SOWAHB: variants seen among roughly 807,000 people sequenced by gnomAD.
SOWAHB encodes the protein ankyrin repeat domain-containing protein SOWAHB.
A neutral mutation model predicts 18.3 loss-of-function variants in SOWAHB; 17 were observed. The observed-to-expected ratio is 0.93, with a 90% confidence interval of 0.64 to 1.40. The LOEUF is 1.40. SOWAHB is among the 40% of genes most tolerant of loss of function. SOWAHB has a pLI of 0.00. For synonymous variants in SOWAHB, 496 were observed against 448.1 expected (o/e 1.11, Z -1.35); for missense variants, 1,126 against 1,033.7 (o/e 1.09, Z -1.22).
In SOWAHB at chr4:76,895,484, T is replaced by A; in HGVS notation, c.2366A>T (p.Glu789Val). Reference sequence around the variant, plus strand: ...AGACCCACCTCAGTCACTATACTCTTCTCTTTCCCTTGGACTGTGGAATTT... The same window carrying A: ...AGACCCACCTCAGTCACTATACTCTACTCTTTCCCTTGGACTGTGGAATTT... Reference protein sequence around the residue: ...YEKFHSPREREEYSD With the variant: ...YEKFHSPRERVEYSD The change falls in exon 1 of 1, where the codon GAA becomes GTA. Residue 789 changes from glutamate (E) to valine (V), a missense_variant. Coordinates refer to ENST00000334306, the MANE Select transcript of SOWAHB (RefSeq NM_001029870.3). 1 of 1,605,464 alleles carries A rather than the reference T, an allele frequency of 6.2e-7. No individual in the cohort carries two copies. Among genetic ancestry groups the A allele is most frequent in the Non-Finnish European group, 8.5e-7 (1 of 1,175,752 alleles).
Position 76,895,412 on chromosome 4 carries a change from C to A in SOWAHB, c.*56G>T, listed in dbSNP as rs1031959644. The A allele has an allele frequency of 4.0e-6, 6 of 1,482,496 alleles. No individual in the cohort carries two copies. The Admixed American group carries it at 1.3e-4, about 32-fold the overall frequency. 91.8% of individuals were successfully genotyped at this position (1,482,496 alleles called of 1,614,324 possible). A position where few individuals can be genotyped will look rare whatever the true frequency, so the allele number is the denominator to read the frequency against. ...GCAGCTTTTCTATTCCCCCTGAATT[C>A]TCTCACTGAGCAGGATGAGGGAGTG... On this transcript the variant is annotated 3_prime_UTR_variant, in exon 1 of 1. Transcript: ENST00000334306.
In SOWAHB at chr4:76,898,128, T is replaced by C. The variant is rs1719982691; in HGVS notation, c.-279A>G. On this transcript the variant is annotated 5_prime_UTR_variant, in exon 1 of 1. Coordinates refer to ENST00000334306, the MANE Select transcript of SOWAHB (RefSeq NM_001029870.3). ...CGCGACTCTAGCCTCTCGCAACGAG[T>C]CCTCACAGCGAAAGTTCCCGGGATA... The C allele has an allele frequency of 7.1e-6, 3 of 422,356 alleles. No individual in the cohort carries two copies. The Admixed American group carries it at 1.3e-4, about 18-fold the overall frequency. The allele number at this position is 422,356 out of a possible 1,614,324, so 26.2% of individuals were successfully genotyped here. A position where few individuals can be genotyped will look rare whatever the true frequency, so the allele number is the denominator to read the frequency against.
Position 76,897,365 on chromosome 4 carries a change from C to A in SOWAHB, c.485G>T (p.Gly162Val). 6.5e-7 allele frequency: 1 copy of A among 1,530,218 alleles called. No homozygotes were observed. Among genetic ancestry groups the A allele is most frequent in the Admixed American group, 2.0e-5 (1 of 51,124 alleles). The allele number at this position is 1,530,218 out of a possible 1,614,324, so 94.8% of individuals were successfully genotyped here. A position where few individuals can be genotyped will look rare whatever the true frequency, so the allele number is the denominator to read the frequency against. ...CCTCTGTCCGGGACTGCCCTTCGAT[C>A]CGCCGCCCTTCCCGGGCGCCCTACG... ...DSRRAPGKGGGSKGSPGQRPP... is the reference protein window; with the variant it reads ...DSRRAPGKGGVSKGSPGQRPP... The change falls in exon 1 of 1, where the codon GGA (glycine) becomes GTA (valine). Residue 162 changes from glycine to valine, a missense_variant. Coordinates refer to ENST00000334306, the MANE Select transcript of SOWAHB (RefSeq NM_001029870.3). The surrounding 1 kb of genome is among the most constrained non-coding windows in gnomAD (Gnocchi z 6.4).
At position 76,896,550 on chromosome 4, in the gene SOWAHB, T is replaced by TC. The variant is rs746560867; in HGVS notation, c.1299dup (p.Lys434GlufsTer42). On this transcript the variant is annotated frameshift_variant, in exon 1 of 1. Transcript: ENST00000334306. LOFTEE classifies it low-confidence loss of function (END_TRUNC). ...AGGCCCCCAGCTGGATTCCTGAGCT[T>TC]CCCCCTATCTGGGGTTCCCAAGACA... 10 of 1,613,058 alleles carry TC rather than the reference T, an allele frequency of 6.2e-6. No homozygotes were observed. In the Admixed American group the frequency reaches 8.3e-5, roughly 13 times the overall value.
In SOWAHB at chr4:76,895,644, G is replaced by A. The variant is rs760163606; in HGVS notation, c.2206C>T (p.Pro736Ser). 3.7e-6 allele frequency: 6 copies of A among 1,614,120 alleles called. No individual in the cohort carries two copies. In the East Asian group the frequency reaches 1.3e-4, roughly 36 times the overall value. The change falls in exon 1 of 1, where the codon CCC (proline) becomes TCC (serine). Residue 736 changes from proline (P) to serine (S), a missense_variant. Transcript: ENST00000334306. ...GTAGGGGAAGAACTTCCAACTAAGG[G>A]ATAGACAGGGAAAATGGGCTTGCCC... is the stretch of plus-strand genomic sequence containing the variant. ...PRGKPIFPVY[P>S]LVGSSSPTRK...
rs553791129 is a variant in SOWAHB, at chr4:76,897,968, C to A, written c.-119G>T. The A allele has an allele frequency of 7.8e-5, 87 of 1,120,384 alleles. No homozygotes were observed. In the African/African-American group the frequency reaches 1.3e-3, roughly 17 times the overall value. 69.4% of individuals were successfully genotyped at this position (1,120,384 alleles called of 1,614,324 possible). ...GCGCCCGGGGCGGCACTAGCCGCCC[C>A]CATCAGCCGCGGAGGCCAGCGCTGC... On this transcript the variant is annotated 5_prime_UTR_variant, in exon 1 of 1. Coordinates refer to ENST00000334306, the MANE Select transcript of SOWAHB (RefSeq NM_001029870.3). The surrounding 1 kb of genome is among the most constrained non-coding windows in gnomAD (Gnocchi z 6.4).
At position 76,896,083 on chromosome 4, in the gene SOWAHB, G is replaced by A. The variant is rs200255980; in HGVS notation, c.1767C>T (p.Ser589=). The A allele has an allele frequency of 2.2e-4, 347 of 1,591,946 alleles. 2 individuals carry two copies. The highest frequency in any genetic ancestry group is 2.0e-5 in the Non-Finnish European group (23 of 1,169,504). ...GCTCCCTGGCATCTAGTGGAACCAG[G>A]GATGATTTGTGCTCAGAAGTTCTGT... ...APHRTSEHKS[S]LVPLDAREHE... Residue 589 remains serine, a synonymous_variant, in exon 1 of 1, where the codon TCC becomes TCT. Transcript: ENST00000334306.
At position 76,896,166 on chromosome 4, in the gene SOWAHB, C is replaced by A; in HGVS notation, c.1684G>T (p.Gly562Cys). 3 of 1,556,340 alleles carry A rather than the reference C, an allele frequency of 1.9e-6. No homozygotes were observed. The highest frequency in any genetic ancestry group is 2.6e-6 in the Non-Finnish European group (3 of 1,151,882). ...GGGACCCACAGGCTGTGTCGCCAAC[C>A]CCGCTCGGCCACAACAGCCTTAACC... ...AEVKAVVAER[G>C]WRHSLWVPSG... The change falls in exon 1 of 1, where the codon GGT becomes TGT. Residue 562 changes from glycine (G) to cysteine (C), a missense_variant. Physicochemically the swap from Gly to Cys is radical, Grantham distance 159. Coordinates refer to ENST00000334306, the MANE Select transcript of SOWAHB (RefSeq NM_001029870.3).
Position 76,897,161 on chromosome 4 carries a change from G to A in SOWAHB, c.689C>T (p.Pro230Leu). 2 of 1,561,464 alleles carry A rather than the reference G, an allele frequency of 1.3e-6. No homozygotes were observed. The highest frequency in any genetic ancestry group is 8.6e-7 in the Non-Finnish European group (1 of 1,161,092). ...GGAAGCCCCGCGGTCATCCTGGGCA[G>A]GCAGAGCCCGTGCCGGCTTCTCCTC... is the stretch of plus-strand genomic sequence containing the variant. ...TAEEKPARAL[P>L]AQDDRGASRE... The change falls in exon 1 of 1, where the codon CCT becomes CTT. Residue 230 changes from proline to leucine, a missense_variant. Pro to Leu is a moderately conservative substitution (Grantham distance 98, BLOSUM62 -3). Coordinates refer to ENST00000334306, the MANE Select transcript of SOWAHB (RefSeq NM_001029870.3). This position sits in a 1 kb window ranked among gnomAD's most constrained non-coding sequence, Gnocchi z 6.4.
Position 76,895,593 on chromosome 4 carries a change from A to T in SOWAHB, c.2257T>A (p.Ser753Thr). The change falls in exon 1 of 1, where the codon TCT becomes ACT. Residue 753 changes from serine (S) to threonine (T), a missense_variant. Transcript: ENST00000334306. ...PTRKAKSKEI[S>T]RSVTRKTSFA... ...GAAGTTTTTCGGGTGACACTTCTAG[A>T]TATTTCCTTGCTCTTGGCCTTTCTG... The T allele has an allele frequency of 1.2e-6, 2 of 1,614,186 alleles. No individual in the cohort carries two copies. The highest frequency in any genetic ancestry group is 1.7e-6 in the Non-Finnish European group (2 of 1,180,040).
In SOWAHB at chr4:76,897,746, C is replaced by G. The variant is rs763038416; in HGVS notation, c.104G>C (p.Arg35Pro). The G allele has an allele frequency of 6.2e-7, 1 of 1,608,748 alleles. No individual in the cohort carries two copies. Among genetic ancestry groups the G allele is most frequent in the Non-Finnish European group, 8.5e-7 (1 of 1,179,886 alleles). The change falls in exon 1 of 1, where the codon CGA becomes CCA. Residue 35 changes from arginine to proline, a missense_variant. Arg to Pro is a moderately radical substitution (Grantham distance 103). Coordinates refer to ENST00000334306, the MANE Select transcript of SOWAHB (RefSeq NM_001029870.3). This position sits in a 1 kb window ranked among gnomAD's most constrained non-coding sequence, Gnocchi z 6.4. ...CTGGCTGGGGGACGCGTCGGGGTCT[C>G]GGAGAAAGCTCTTGAAGTGGCTCAG... ...ALLSHFKSFL[R>P]DPDASPSQHQ... is the part of the protein sequence containing the mutation.
Position 76,895,959 on chromosome 4 carries a change from C to T in SOWAHB, c.1891G>A (p.Gly631Arg), listed in dbSNP as rs137905067. 2.8e-5 allele frequency: 45 copies of T among 1,614,020 alleles called. No individual in the cohort carries two copies. The highest frequency in any genetic ancestry group is 3.6e-5 in the Non-Finnish European group (42 of 1,180,062). Residue 631 changes from glycine (G) to arginine (R), a missense_variant, in exon 1 of 1, where the codon GGG (glycine) becomes AGG (arginine). Gly to Arg is a moderately radical substitution (Grantham distance 125). Transcript: ENST00000334306. The part of the protein sequence containing the change: ...QLALHKDFLT[G>R]YTALHWIAKH... ...GCTATCCAGTGCAACGCAGTGTACCCAGTCAAAAAGTCTTTGTGCAAGGCC... is the reference window on the plus strand; with the variant it reads ...GCTATCCAGTGCAACGCAGTGTACCTAGTCAAAAAGTCTTTGTGCAAGGCC...
Position 76,897,319 on chromosome 4 carries a change from T to G in SOWAHB, c.531A>C (p.Ala177=). The change falls in exon 1 of 1, where the codon GCA becomes GCC. Residue 177 remains alanine (A), a synonymous_variant. Coordinates refer to ENST00000334306, the MANE Select transcript of SOWAHB (RefSeq NM_001029870.3). This position sits in a 1 kb window ranked among gnomAD's most constrained non-coding sequence, Gnocchi z 6.4. The part of the protein sequence containing the change: ...PGQRPPVPAA[A]AAGAQARASC... ...TCGCTCTCGCCTGGGCCCCTGCCGC[T>G]GCAGCTGCGGGCACCGGCGGCCTCT... 1 of 1,539,414 alleles carries G rather than the reference T, an allele frequency of 6.5e-7. No individual in the cohort carries two copies. The highest frequency in any genetic ancestry group is 8.7e-7 in the Non-Finnish European group (1 of 1,149,074).
rs1227566411 is a variant in SOWAHB at position 76,895,205 on chromosome 4, G to A, written c.*263C>T. ...CTGTGCCCAGCTCCATGGTGGCAAG[G>A]GAAGAGGAAGAATGCCTCCTAGATA... On this transcript the variant is annotated 3_prime_UTR_variant, in exon 1 of 1. Transcript: ENST00000334306. 2 of 377,908 alleles carry A rather than the reference G, an allele frequency of 5.3e-6. No homozygotes were observed. Among genetic ancestry groups the A allele is most frequent in the Non-Finnish European group, 9.5e-6 (2 of 211,016 alleles). The allele number at this position is 377,908 out of a possible 1,614,324, so 23.4% of individuals were successfully genotyped here.
rs78388708 is a variant in SOWAHB at position 76,896,109 on chromosome 4, G to C, written c.1741C>G (p.His581Asp). 6.3e-7 allele frequency: 1 copy of C among 1,579,098 alleles called. No individual in the cohort carries two copies. Among genetic ancestry groups the C allele is most frequent in the South Asian group, 1.2e-5 (1 of 83,814 alleles). Residue 581 changes from histidine (H) to aspartate (D), a missense_variant, in exon 1 of 1, where the codon CAC becomes GAC. Coordinates refer to ENST00000334306, the MANE Select transcript of SOWAHB (RefSeq NM_001029870.3). ...GATGATTTGTGCTCAGAAGTTCTGT[G>C]GGGGGCCAAGGCTGCAGACCCCTCC... Reference protein sequence around the residue: ...SGEGSAALAPHRTSEHKSSLV... With the variant: ...SGEGSAALAPDRTSEHKSSLV...
Position 76,897,202 on chromosome 4 carries a change from C to T in SOWAHB, c.648G>A (p.Pro216=). 2.5e-6 allele frequency: 4 copies of T among 1,581,202 alleles called. No homozygotes were observed. Among genetic ancestry groups the T allele is most frequent in the Non-Finnish European group, 3.4e-6 (4 of 1,172,136 alleles). Residue 216 remains proline (P), a synonymous_variant, in exon 1 of 1, where the codon CCG becomes CCA. Coordinates refer to ENST00000334306, the MANE Select transcript of SOWAHB (RefSeq NM_001029870.3). This position sits in a 1 kb window ranked among gnomAD's most constrained non-coding sequence, Gnocchi z 6.4. ...AVLPGELGAL[P]HSATAEEKPA... ...GCTTCTCCTCCGCGGTGGCCGAGTGCGGGAGTGCGCCGAGCTCTCCCGGCA... is the reference window on the plus strand; with the variant it reads ...GCTTCTCCTCCGCGGTGGCCGAGTGTGGGAGTGCGCCGAGCTCTCCCGGCA...
At position 76,897,666 on chromosome 4, in the gene SOWAHB, G is replaced by C. The variant is rs758441237; in HGVS notation, c.184C>G (p.Arg62Gly). The stretch of plus-strand genomic sequence containing the variant: ...TACTTGGTGCCGTCGGGGTCCTGGC[G>C]CACTGCGGCGACCGAGTTGACGAAG... ...KGFVNSVAAV[R>G]QDPDGTKYVV... Residue 62 changes from arginine to glycine, a missense_variant, in exon 1 of 1, where the codon CGC becomes GGC. By Grantham distance (125) the Arg-to-Gly change is moderately radical. Coordinates refer to ENST00000334306, the MANE Select transcript of SOWAHB (RefSeq NM_001029870.3). The surrounding 1 kb of genome is among the most constrained non-coding windows in gnomAD (Gnocchi z 6.4). 1 of 1,612,222 alleles carries C rather than the reference G, an allele frequency of 6.2e-7. No individual in the cohort carries two copies. The highest frequency in any genetic ancestry group is 8.5e-7 in the Non-Finnish European group (1 of 1,179,888).
In SOWAHB at chr4:76,897,361, C is replaced by T; in HGVS notation, c.489G>A (p.Ser163=). The change falls in exon 1 of 1, where the codon TCG becomes TCA. Residue 163 remains serine, a synonymous_variant. Coordinates refer to ENST00000334306, the MANE Select transcript of SOWAHB (RefSeq NM_001029870.3). The surrounding 1 kb of genome is among the most constrained non-coding windows in gnomAD (Gnocchi z 6.4). ...SRRAPGKGGG[S]KGSPGQRPPV... ...GCGGCCTCTGTCCGGGACTGCCCTT[C>T]GATCCGCCGCCCTTCCCGGGCGCCC... The T allele has an allele frequency of 6.5e-7, 1 of 1,530,736 alleles. No individual in the cohort carries two copies. Among genetic ancestry groups the T allele is most frequent in the Non-Finnish European group, 8.7e-7 (1 of 1,145,452 alleles). The allele number at this position is 1,530,736 out of a possible 1,614,324, so 94.8% of individuals were successfully genotyped here.
At position 76,895,372 on chromosome 4, in the gene SOWAHB, C is replaced by G. The variant is rs1719884359; in HGVS notation, c.*96G>C. On this transcript the variant is annotated 3_prime_UTR_variant, in exon 1 of 1. Coordinates refer to ENST00000334306, the MANE Select transcript of SOWAHB (RefSeq NM_001029870.3). ...CAACACCATCTCACTCGACCATCCT[C>G]TTTACCAACTCTCAGCAGCTTTTCT... 1 of 1,255,724 alleles carries G rather than the reference C, an allele frequency of 8.0e-7. No individual in the cohort carries two copies. Among genetic ancestry groups the G allele is most frequent in the Non-Finnish European group, 1.1e-6 (1 of 901,726 alleles). The allele number at this position is 1,255,724 out of a possible 1,614,324, so 77.8% of individuals were successfully genotyped here. A position where few individuals can be genotyped will look rare whatever the true frequency, so the allele number is the denominator to read the frequency against.
Sources: gnomAD v4.1 joint callset for allele counts on GRCh38, gnomAD v4.1.1 for gene constraint, Gnocchi (gnomAD v3.1) non-coding constraint, MANE v1.5 for transcripts, NCBI Gene and HGNC (gene_info 2026-07-23, HGNC 2026-07-21) for gene names.